Variants in RXRG observed in about 807,000 individuals in gnomAD.
RXRG encodes retinoic acid receptor RXR-gamma.
A neutral mutation model predicts 49.2 loss-of-function variants in RXRG; 19 were observed. The ratio of observed to expected loss-of-function variants is 0.39; its 90% CI spans 0.27 to 0.57. The LOEUF (loss-of-function observed/expected upper bound fraction) is 0.57, where lower values mean the gene tolerates loss of function less well. Among genes scored for constraint, RXRG ranks in the 20% least tolerant of loss-of-function variants. The pLI is 0.64. For missense variants in RXRG, 452 were observed against 592.5 expected, an observed-to-expected ratio of 0.76 and a Z score of 2.46; for synonymous variants, 224 against 216.6, an observed-to-expected ratio of 1.03 and a Z score of -0.30.
chr1:165,443,772 G>A (rs532681547), intron 1 of RXRG, among the ~76,000 whole-genome samples: 21 of 152,322 alleles, frequency 1.4e-4, no homozygotes, highest in Non-Finnish European at 2.9e-4. Context: ...CTCCCAGGGG[G>A]TTCTGCCCAG....
Position 165,408,279 on chromosome 1 carries a change from C to T in RXRG, c.1086G>A (p.Gln362=). 6.2e-7 allele frequency: 1 copy of T among 1,614,094 alleles called. No individual in the cohort carries two copies. Among genetic ancestry groups the T allele is most frequent in the Non-Finnish European group, 8.5e-7 (1 of 1,179,952 alleles). ...TELVSKMKDM[Q]MDKSELGCLR... is the part of the protein sequence containing the mutation. ...GGCATCCCAGTTCCGACTTGTCCAT[C>T]TGCATGTCTTTCATTTTGGAAACCA... The change falls in exon 8 of 10, where the codon CAG becomes CAA. Residue 362 remains glutamine, a synonymous_variant. Transcript: ENST00000359842.
intron 9 of RXRG, among the ~76,000 whole-genome samples, chr1:165,402,107 C>A (rs904449418): frequency 4.0e-5 from 6 of 150,062 alleles, no homozygotes; most frequent in Non-Finnish European, 8.9e-5. Flanking sequence ...TTTTTGAGAC[C>A]GAGTTTCACT....
At chr1:165,438,356 A>T (rs1027294368) in intron 1 of RXRG, among the ~76,000 whole-genome samples, 4 of 124,072 alleles carry the variant, frequency 3.2e-5, no homozygotes, top group South Asian at 2.7e-4. Context: ...ATTCCAAAAT[A>T]AAAAAAAAAT....
Position 165,401,215 on chromosome 1 carries a change from C to A in RXRG, c.*48G>T. On this transcript the variant is annotated 3_prime_UTR_variant, in exon 10 of 10. Coordinates refer to ENST00000359842, the MANE Select transcript of RXRG (RefSeq NM_006917.5). Reference sequence around the variant, plus strand: ...AAAGTGCAGGGTGGGGGTCCACACACACCTGCCCAGGGGTCATCCTGGGTG... The same window carrying A: ...AAAGTGCAGGGTGGGGGTCCACACAAACCTGCCCAGGGGTCATCCTGGGTG... 6.2e-7 allele frequency: 1 copy of A among 1,600,526 alleles called. No individual in the cohort carries two copies.
rs926748711 is a variant in RXRG, at chr1:165,417,087, C to T, written c.576G>A (p.Gln192=). 6.2e-7 allele frequency: 1 copy of T among 1,614,054 alleles called. No individual in the cohort carries two copies. The highest frequency in any genetic ancestry group is 1.3e-5 in the African/African-American group (1 of 74,950). ...CAAGGCACTTCTGATAGCGACAGTA[C>T]TGGCAGCGGTTGCGCTGACGCTTGT... ...LIDKRQRNRC[Q]YCRYQKCLVM... Residue 192 remains glutamine, a synonymous_variant, in exon 4 of 10, where the codon CAG becomes CAA. Transcript: ENST00000359842.
chr1:165,429,888 CCCT>C (rs1658618163), intron 1 of RXRG, among the ~76,000 whole-genome samples: 1 of 152,118 alleles, frequency 6.6e-6, no homozygotes, highest in African/African-American at 2.4e-5. Context: ...CAGGAGAGTG[CCCT>C]CCTGTCATCT....
At position 165,410,953 on chromosome 1, in the gene RXRG, T is replaced by C; in HGVS notation, c.779A>G (p.Asn260Ser). 2 of 1,614,024 alleles carry C rather than the reference T, an allele frequency of 1.2e-6. No homozygotes were observed. The highest frequency in any genetic ancestry group is 8.5e-7 in the Non-Finnish European group (1 of 1,179,996). The change falls in exon 5 of 10, where the codon AAC becomes AGC. Residue 260 changes from asparagine to serine, a missense_variant. By Grantham distance (46) the Asn-to-Ser change is conservative. Around this residue, in one of 2 missense-constraint regions of RXRG, gnomAD observed 286 missense variants for 440.9 expected, o/e 0.65. Coordinates refer to ENST00000359842, the MANE Select transcript of RXRG (RefSeq NM_006917.5). ...TGTGTGTCTAAGAGCACATACCGAG[T>C]TCTCCATATTCATGTCACCATAGGA... ...TESYGDMNMENSTNDPVTNIC... is the reference protein window; with the variant it reads ...TESYGDMNMESSTNDPVTNIC...
intron 9 of RXRG, among the ~76,000 whole-genome samples, chr1:165,404,683 AATAG>A (rs1364641142): frequency 2.0e-5 from 3 of 152,252 alleles, no homozygotes; most frequent in Admixed American, 2.0e-4. Context: ...CACGAGACAT[AATAG>A]ATACACGACA....
chr1:165,443,767 AG>A (rs1487575282), intron 1 of RXRG, among the ~76,000 whole-genome samples: 1 of 152,222 alleles, frequency 6.6e-6, no homozygotes, highest in African/African-American at 2.4e-5. Context: ...CATGCCTCCC[AG>A]GGGGTTCTGC....
chr1:165,420,209 T>C (rs752968568), intron 2 of RXRG, among the ~76,000 whole-genome samples, 195 bp from the exon 3 acceptor site: 2 of 152,212 alleles, frequency 1.3e-5, no homozygotes, highest in Non-Finnish European at 2.9e-5. Context: ...GGAACAAAAT[T>C]ATTTCTAGAA....
At chr1:165,426,255 G>A (rs1658483282) in intron 2 of RXRG, among the ~76,000 whole-genome samples, 1 of 152,214 alleles carries the variant, frequency 6.6e-6, no homozygotes, top group Non-Finnish European at 1.5e-5. Context: ...TTAGAAACTG[G>A]GGTGAAGATT....
chr1:165,423,661 A>C (rs1658393876), intron 2 of RXRG, among the ~76,000 whole-genome samples: 1 of 151,318 alleles, frequency 6.6e-6, no homozygotes, highest in Admixed American at 6.6e-5. Context: ...TTCACTTAGC[A>C]AAGACTCTAT....
chr1:165,438,581 T>C (rs1231063576), intron 1 of RXRG, among the ~76,000 whole-genome samples: 13 of 152,186 alleles, frequency 8.5e-5, no homozygotes, highest in Admixed American at 8.5e-4. Flanking sequence ...ATAGCACATA[T>C]TCATAAAGAG....
intron 9 of RXRG, among the ~76,000 whole-genome samples, chr1:165,404,016 T>C (rs1004826127): frequency 7.2e-5 from 11 of 152,256 alleles, no homozygotes; most frequent in Admixed American, 1.3e-4. Flanking sequence ...CTCTGCTTTC[T>C]GATCAGAGTG....
intron 7 of RXRG, among the ~76,000 whole-genome samples, chr1:165,409,283 G>A (rs1657857565): frequency 6.6e-6 from 1 of 152,128 alleles, no homozygotes; most frequent in Non-Finnish European, 1.5e-5. Context: ...CAACTGCCTG[G>A]CAACTGTGCT....
At chr1:165,430,087 C>T (rs879870407) in intron 1 of RXRG, among the ~76,000 whole-genome samples, 1 of 152,192 alleles carries the variant, frequency 6.6e-6, no homozygotes, top group Non-Finnish European at 1.5e-5. Context: ...CTGCACGCAG[C>T]ACATCCATGG....
chr1:165,407,447 C>A (rs543795273), intron 8 of RXRG, among the ~76,000 whole-genome samples: 18 of 152,310 alleles, frequency 1.2e-4, no homozygotes, highest in African/African-American at 4.3e-4. Flanking sequence ...AGGACACCAC[C>A]CTTCTGATTC....
chr1:165,415,849 G>A (rs146478881), intron 4 of RXRG, among the ~76,000 whole-genome samples: 17 of 152,278 alleles, frequency 1.1e-4, no homozygotes, highest in African/African-American at 4.1e-4. Flanking sequence ...ACCTGGCAGG[G>A]AAGGAGACAC....
chr1:165,421,759 T>A (rs1658324220), intron 2 of RXRG, among the ~76,000 whole-genome samples: 1 of 152,136 alleles, frequency 6.6e-6, no homozygotes, highest in Admixed American at 6.5e-5. Context: ...CTCGAACTCC[T>A]GACCTCAGGC....
Sources: gnomAD v4.1 joint callset for allele counts (sites outside exome capture counted in the v4.1 genomes callset) on GRCh38, gnomAD v4.1.1 for gene constraint, gnomAD v4.1.1 regional missense constraint, MANE v1.5 for transcripts, NCBI Gene and HGNC (gene_info 2026-07-23, HGNC 2026-07-21) for gene names.